SGIP1: variants seen among roughly 807,000 people sequenced by gnomAD.
SGIP1 encodes the protein SH3-containing GRB2-like protein 3-interacting protein 1.
A neutral mutation model predicts 107.5 loss-of-function variants in SGIP1; 38 were observed. The observed-to-expected ratio is 0.35, with a 90% CI of 0.27 to 0.46. The LOEUF (loss-of-function observed/expected upper bound fraction) is 0.46. SGIP1 is among the 20% of genes least tolerant of loss of function. The pLI is 1.00. For synonymous variants in SGIP1, 365 were observed against 366.1 expected (o/e 1.00, Z 0.03); for missense variants, 929 against 1,019.5 (o/e 0.91, Z 1.21).
chr1:66,735,125 A>G (rs1180635654), intron 21 of SGIP1, among the ~76,000 whole-genome samples: 1 of 151,420 alleles, frequency 6.6e-6, no homozygotes, highest in Non-Finnish European at 1.5e-5. Context: ...CCACCCCACC[A>G]CCACTACCTC....
chr1:66,590,611 A>G (rs2063464675), intron 1 of SGIP1: 2 of 152,112 alleles, frequency 1.3e-5, no homozygotes, highest in Non-Finnish European at 2.9e-5. Flanking sequence ...TAGTAGGTAA[A>G]TGAATAAACC....
intron 1 of SGIP1, among the ~76,000 whole-genome samples, chr1:66,580,465 C>G (rs1305929919): frequency 6.6e-6 from 1 of 152,112 alleles, no homozygotes; most frequent in African/African-American, 2.4e-5. Context: ...CGATCACTAC[C>G]TCAAAACTCC....
chr1:66,731,145 T>C (rs985094698), intron 20 of SGIP1, among the ~76,000 whole-genome samples: 12 of 152,208 alleles, frequency 7.9e-5, no homozygotes, highest in African/African-American at 2.7e-4. Flanking sequence ...CATATCTATT[T>C]GTGTTTCTTC....
intron 20 of SGIP1, among the ~76,000 whole-genome samples, chr1:66,730,955 C>T (rs1446050184): frequency 1.3e-5 from 2 of 152,174 alleles, no homozygotes; most frequent in African/African-American, 2.4e-5. Context: ...CCCCATACCC[C>T]CACCAACCAG....
intron 1 of SGIP1, among the ~76,000 whole-genome samples, chr1:66,564,864 T>C (rs557440162): frequency 2.0e-5 from 3 of 152,106 alleles, no homozygotes; most frequent in African/African-American, 7.2e-5. Flanking sequence ...CAACTTCATG[T>C]CTGGGGTACA....
chr1:66,607,904 G>C (rs988148732), intron 1 of SGIP1, among the ~76,000 whole-genome samples: 6 of 152,196 alleles, frequency 3.9e-5, no homozygotes, highest in Admixed American at 3.9e-4. Flanking sequence ...AGACCAGATA[G>C]AGCAGATGTT....
chr1:66,649,051 T>G (rs2078209837), intron 7 of SGIP1, among the ~76,000 whole-genome samples: 1 of 152,312 alleles, frequency 6.6e-6, no homozygotes, highest in Non-Finnish European at 1.5e-5. Flanking sequence ...CACTTCTCCT[T>G]TTTTGAGGGT....
chr1:66,711,680 C>A (rs2092930027), intron 18 of SGIP1, among the ~76,000 whole-genome samples: 1 of 152,128 alleles, frequency 6.6e-6, no homozygotes, highest in South Asian at 2.1e-4. Flanking sequence ...GGGTCATTTG[C>A]CTCCTGCCTG....
chr1:66,679,071 A>G (rs1019800620), intron 13 of SGIP1, among the ~76,000 whole-genome samples: 3 of 152,222 alleles, frequency 2.0e-5, no homozygotes, highest in African/African-American at 7.2e-5. Flanking sequence ...ATTTGGCTGT[A>G]ATTTTTGTCA....
intron 19 of SGIP1, among the ~76,000 whole-genome samples, chr1:66,719,620 C>A (rs1557744639): frequency 6.6e-6 from 1 of 152,144 alleles, no homozygotes; most frequent in Non-Finnish European, 1.5e-5. Flanking sequence ...CTCTAGAAAT[C>A]TTTGATTCCA....
intron 1 of SGIP1, among the ~76,000 whole-genome samples, chr1:66,545,567 A>G (rs1035706247): frequency 6.6e-6 from 1 of 152,010 alleles, no homozygotes; most frequent in Admixed American, 6.6e-5. Context: ...GTTTGAAAAA[A>G]TTAAATCAGA....
chr1:66,707,825 A>G (rs2092630711), intron 18 of SGIP1, among the ~76,000 whole-genome samples: 1 of 152,144 alleles, frequency 6.6e-6, no homozygotes, highest in Non-Finnish European at 1.5e-5. Flanking sequence ...CCTTGCCCAG[A>G]GAGCCTCTGT....
intron 7 of SGIP1, among the ~76,000 whole-genome samples, chr1:66,649,395 G>A (rs773386064): frequency 3.3e-5 from 5 of 152,186 alleles, no homozygotes; most frequent in Non-Finnish European, 7.4e-5. Flanking sequence ...CTTAGGTAAG[G>A]TACTTAAACC....
Position 66,629,696 on chromosome 1 carries a change from A to G in SGIP1, c.75-3374A>G, listed in dbSNP as rs142007830. Among the ~76,000 whole-genome samples the G allele has an allele frequency of 1.4e-3, 220 of 152,324 alleles. 6 individuals carry two copies. In the East Asian group the frequency reaches 0.038, roughly 26 times the overall value. ...GCAAATACAATAAGTCTGCCATGAA[A>G]AAGAAAAAAATTATTTTAAAATACA... On this transcript the variant is annotated intron_variant, in intron 2 of 24. Transcript: ENST00000371037.
chr1:66,666,942 C>T (rs886904735), intron 8 of SGIP1: 1 of 152,254 alleles, frequency 6.6e-6, no homozygotes, highest in Non-Finnish European at 1.5e-5. Flanking sequence ...TCATTCGCAT[C>T]ACATTGGTAG....
At chr1:66,609,287 C>T (rs2067476249) in intron 1 of SGIP1, among the ~76,000 whole-genome samples, 1 of 152,102 alleles carries the variant, frequency 6.6e-6, no homozygotes, top group Non-Finnish European at 1.5e-5. Flanking sequence ...GGAAAAATAT[C>T]CATTTTGAAA....
At chr1:66,572,585 A>G (rs1247744568) in intron 1 of SGIP1, among the ~76,000 whole-genome samples, 1 of 151,974 alleles carries the variant, frequency 6.6e-6, no homozygotes, top group Non-Finnish European at 1.5e-5. Context: ...ATGCTTGAAA[A>G]CATGCACTTC....
chr1:66,631,144 T>C (rs1439441912), intron 2 of SGIP1, among the ~76,000 whole-genome samples: 3 of 151,766 alleles, frequency 2.0e-5, no homozygotes, highest in African/African-American at 7.3e-5. Context: ...AAAAGAGAAT[T>C]GGCTTTGATG....
intron 15 of SGIP1, among the ~76,000 whole-genome samples, chr1:66,685,682 A>G (rs2088027270): frequency 6.6e-6 from 1 of 152,232 alleles, no homozygotes; most frequent in Non-Finnish European, 1.5e-5. Flanking sequence ...TAGAGCAGCA[A>G]TGTCCAATAC....
Sources: gnomAD v4.1 joint callset for allele counts (sites outside exome capture counted in the v4.1 genomes callset) on GRCh38, gnomAD v4.1.1 for gene constraint, MANE v1.5 for transcripts, NCBI Gene and HGNC (gene_info 2026-07-23, HGNC 2026-07-21) for gene names.